The following ASTN2 variants were observed in gnomAD, a reference collection of about 807,000 sequenced individuals.
ASTN2 encodes astrotactin 2, also known as astrotactin-2.
ASTN2 carries 54 observed loss-of-function variants against 139.8 expected under a neutral mutation model. The observed-to-expected ratio is 0.39, with a 90% CI of 0.31 to 0.48. The LOEUF (loss-of-function observed/expected upper bound fraction) is 0.48. Among genes scored for constraint, ASTN2 ranks in the 20% least tolerant of loss-of-function variants. The pLI, the probability that ASTN2 is intolerant of heterozygous loss-of-function variation, is 0.95. For missense variants in ASTN2, 1,565 were observed against 1,725.1 expected, an observed-to-expected ratio of 0.91 and a Z score of 1.64; for synonymous variants, 756 against 719.5, an observed-to-expected ratio of 1.05 and a Z score of -0.81.
chr9:117,243,460 G>T (rs970388194), intron 2 of ASTN2, among the ~76,000 whole-genome samples: 11 of 152,170 alleles, frequency 7.2e-5, no homozygotes, highest in Admixed American at 2.6e-4. Context: ...TAATATTCAT[G>T]TTTACAATTC....
intron 19 of ASTN2, among the ~76,000 whole-genome samples, chr9:116,488,791 CTA>C (rs1384010752): frequency 1.3e-5 from 2 of 152,068 alleles, no homozygotes; most frequent in Non-Finnish European, 2.9e-5. Context: ...GGCACTTTTT[CTA>C]TCTTATTTTT....
At chr9:116,653,863 G>A (rs1185027316) in intron 16 of ASTN2, among the ~76,000 whole-genome samples, 2 of 152,214 alleles carry the variant, frequency 1.3e-5, no homozygotes, top group African/African-American at 4.8e-5. Context: ...CAGATCAAAG[G>A]CTCTGGGGGA....
intron 1 of ASTN2, among the ~76,000 whole-genome samples, chr9:117,407,752 T>C (rs570095570): frequency 2.2e-4 from 34 of 152,314 alleles, no homozygotes; most frequent in African/African-American, 7.2e-4. Flanking sequence ...ACAACTCTCA[T>C]TGAGCATTGC....
At chr9:116,755,864 G>A (rs1829519204) in intron 13 of ASTN2, among the ~76,000 whole-genome samples, 1 of 152,360 alleles carries the variant, frequency 6.6e-6, no homozygotes, top group African/African-American at 2.4e-5. Flanking sequence ...CATGGAAGGA[G>A]AGACTGGAAT....
intron 13 of ASTN2, among the ~76,000 whole-genome samples, chr9:116,781,403 A>G (rs1033411891): frequency 6.6e-6 from 1 of 152,208 alleles, no homozygotes; most frequent in African/African-American, 2.4e-5. Flanking sequence ...GGACACAAGT[A>G]GGCATATAGG....
chr9:117,214,770 T>C (rs760764995), intron 2 of ASTN2, 28 bp from the exon 3 acceptor site: 7 of 1,462,782 alleles, frequency 4.8e-6, no homozygotes, highest in Middle Eastern at 1.9e-4. Flanking sequence ...GACACACAAA[T>C]GGGCCACTGT....
intron 1 of ASTN2, among the ~76,000 whole-genome samples, chr9:117,344,557 C>T (rs1023236331): frequency 6.6e-6 from 1 of 152,198 alleles, no homozygotes; most frequent in Non-Finnish European, 1.5e-5. Context: ...TGTGTACACA[C>T]ACAACCTATG....
At chr9:117,346,640 G>A (rs1475988893) in intron 1 of ASTN2, among the ~76,000 whole-genome samples, 14 of 152,106 alleles carry the variant, frequency 9.2e-5, no homozygotes, top group Admixed American at 9.2e-4. Flanking sequence ...TAAATATGGG[G>A]AAAAATAACT....
At chr9:117,240,093 C>A (rs1833162371) in intron 2 of ASTN2, among the ~76,000 whole-genome samples, 1 of 152,114 alleles carries the variant, frequency 6.6e-6, no homozygotes. Context: ...AAGTCAGGGG[C>A]CATTTGTAGT....
At chr9:117,382,650 G>A (rs543386585) in intron 1 of ASTN2, among the ~76,000 whole-genome samples, 2 of 152,288 alleles carry the variant, frequency 1.3e-5, no homozygotes, top group African/African-American at 2.4e-5. Flanking sequence ...GAATCTATTA[G>A]TAGTGACTGC....
chr9:116,805,109 AGTGTGT>A (rs10681699), intron 13 of ASTN2, among the ~76,000 whole-genome samples: 204 of 143,130 alleles, frequency 1.4e-3, no homozygotes, highest in Non-Finnish European at 2.3e-3. Context: ...GGATTTGGGG[AGTGTGT>A]GTGTGTGTGT....
intron 4 of ASTN2, among the ~76,000 whole-genome samples, chr9:117,108,664 G>A (rs950678946): frequency 6.6e-6 from 1 of 152,128 alleles, no homozygotes; most frequent in Non-Finnish European, 1.5e-5. Context: ...AACCTAGCAT[G>A]GAATCCTGGG....
At chr9:117,209,453 C>A (rs543383293) in intron 3 of ASTN2, among the ~76,000 whole-genome samples, 1 of 151,914 alleles carries the variant, frequency 6.6e-6, no homozygotes, top group Admixed American at 6.5e-5. Context: ...TAAAAATAGA[C>A]AATGAAGGAT....
chr9:117,070,994 C>A (rs1334630864), intron 5 of ASTN2, among the ~76,000 whole-genome samples: 2 of 148,536 alleles, frequency 1.3e-5, no homozygotes, highest in Non-Finnish European at 3.0e-5. Context: ...TCATCTGAAG[C>A]CTTCTTCTCT....
At chr9:116,641,717 C>A (rs1857339588) in intron 17 of ASTN2, among the ~76,000 whole-genome samples, 1 of 152,068 alleles carries the variant, frequency 6.6e-6, no homozygotes, top group Non-Finnish European at 1.5e-5. Flanking sequence ...CTTATTGAAT[C>A]TGGTAGTCTT....
chr9:116,574,757 C>T (rs566832911), intron 19 of ASTN2, among the ~76,000 whole-genome samples: 15 of 152,206 alleles, frequency 9.9e-5, no homozygotes, highest in Non-Finnish European at 1.3e-4. Flanking sequence ...AGCCAACGTG[C>T]AGAAGTCCCA....
At chr9:117,259,272 G>A (rs1833765058) in intron 2 of ASTN2, among the ~76,000 whole-genome samples, 1 of 152,130 alleles carries the variant, frequency 6.6e-6, no homozygotes. Context: ...ACTCATCCCT[G>A]CTTTCAGTAT....
chr9:116,614,873 G>T (rs1019176169), intron 19 of ASTN2, among the ~76,000 whole-genome samples: 4 of 152,108 alleles, frequency 2.6e-5, no homozygotes, highest in African/African-American at 9.7e-5. Flanking sequence ...ATTGACAAAT[G>T]GGATCTAATT....
chr9:117,137,094 C>T (rs1325260745), intron 4 of ASTN2, among the ~76,000 whole-genome samples: 5 of 152,160 alleles, frequency 3.3e-5, no homozygotes, highest in African/African-American at 1.2e-4. Flanking sequence ...CCATAAGATG[C>T]TGGGGAGTGG....
Sources: allele counts gnomAD v4.1 joint callset (sites outside exome capture counted in the v4.1 genomes callset), GRCh38; gene constraint gnomAD v4.1.1; transcripts MANE v1.5; gene names NCBI Gene and HGNC (gene_info 2026-07-23, HGNC 2026-07-21).